The following TMEM156 variants were observed in gnomAD, a reference collection of about 807,000 sequenced individuals.
The protein encoded by TMEM156 is transmembrane protein 156.
In TMEM156, 28 loss-of-function variants were observed where a neutral mutation model predicts 30.5. The ratio of observed to expected loss-of-function variants is 0.92; its 90% CI spans 0.68 to 1.26. The LOEUF (loss-of-function observed/expected upper bound fraction) is 1.26, where lower values mean the gene tolerates loss of function less well. TMEM156 is among the 50% of genes most tolerant of loss of function. The probability of loss-of-function intolerance (pLI) is 0.00; values close to 1 mark genes in which losing one functional copy is unlikely to be tolerated. For synonymous variants in TMEM156, 137 were observed against 119.9 expected (o/e 1.14, Z -0.93); for missense variants, 351 against 340.6 (o/e 1.03, Z -0.24).
chr4:39,008,987 TA>T (rs1713928230), intron 1 of TMEM156, among the ~76,000 whole-genome samples: 4 of 151,692 alleles, frequency 2.6e-5, no homozygotes. Flanking sequence ...TTTCAAAGGA[TA>T]AACAAGATTA....
intron 6 of TMEM156, among the ~76,000 whole-genome samples, chr4:38,969,207 C>T (rs1028296267): frequency 6.6e-6 from 1 of 152,208 alleles, no homozygotes; most frequent in African/African-American, 2.4e-5. Flanking sequence ...TTTCCCTTCA[C>T]TTTAATCCAT....
intron 4 of TMEM156, 92 bp downstream of exon 4, chr4:38,988,759 A>G (rs1242719838): frequency 1.9e-5 from 28 of 1,463,008 alleles, no homozygotes; most frequent in African/African-American, 5.6e-5. Context: ...TATTCACAGT[A>G]GGTGCACAAG....
At chr4:38,979,671 C>G (rs1315675598) in intron 5 of TMEM156, among the ~76,000 whole-genome samples, 3 of 152,194 alleles carry the variant, frequency 2.0e-5, no homozygotes, top group Non-Finnish European at 2.9e-5. Flanking sequence ...CATCATGACT[C>G]TTCATGGAAA....
At chr4:39,016,655 T>G (rs1457254915) in intron 1 of TMEM156, among the ~76,000 whole-genome samples, 3 of 152,232 alleles carry the variant, frequency 2.0e-5, no homozygotes, top group Non-Finnish European at 4.4e-5. Context: ...TATAGGTTAT[T>G]TAGAAGTGAA....
intron 1 of TMEM156, among the ~76,000 whole-genome samples, chr4:39,029,305 G>A (rs1417096789): frequency 2.6e-5 from 4 of 151,950 alleles, no homozygotes; most frequent in Non-Finnish European, 5.9e-5. Context: ...GACAAGAAAC[G>A]AATGGAGTAA....
At chr4:38,989,021 A>G in intron 3 of TMEM156, 51 bp from the exon 4 acceptor site, 1 of 1,574,882 alleles carries the variant, frequency 6.3e-7, no homozygotes, top group Non-Finnish European at 8.6e-7. Context: ...TTCAACAGAT[A>G]AAAGGCAATG....
chr4:39,031,743 G>A (rs1353412748), intron 1 of TMEM156, among the ~76,000 whole-genome samples: 1 of 151,738 alleles, frequency 6.6e-6, no homozygotes, highest in African/African-American at 2.4e-5. Context: ...AATTAGCCAG[G>A]CATGGTGGTG....
chr4:38,988,190 G>A (rs1052558684), intron 4 of TMEM156, among the ~76,000 whole-genome samples: 1 of 152,008 alleles, frequency 6.6e-6, no homozygotes, highest in African/African-American at 2.4e-5. Context: ...CCTCACACCC[G>A]TCACCTACAG....
At chr4:39,005,193 G>A (rs1713645139) in intron 1 of TMEM156, among the ~76,000 whole-genome samples, 2 of 152,132 alleles carry the variant, frequency 1.3e-5, no homozygotes, top group African/African-American at 4.8e-5. Flanking sequence ...GTAGGAGAAG[G>A]GCTCTTCTGT....
chr4:38,981,008 C>A, intron 5 of TMEM156: 1 of 936,794 alleles, frequency 1.1e-6, no homozygotes, highest in Non-Finnish European at 1.3e-6. Context: ...CAAAAAGAAT[C>A]ATCCTCTTCA....
chr4:39,025,065 T>G (rs1715111375), intron 1 of TMEM156, among the ~76,000 whole-genome samples: 1 of 152,120 alleles, frequency 6.6e-6, no homozygotes, highest in Non-Finnish European at 1.5e-5. Flanking sequence ...ACAGTTGGAA[T>G]AGGCCGGGTG....
intron 5 of TMEM156, among the ~76,000 whole-genome samples, chr4:38,985,649 A>G (rs1460017191): frequency 1.3e-5 from 2 of 152,204 alleles, no homozygotes; most frequent in African/African-American, 2.4e-5. Context: ...GCTGTGTACA[A>G]GGAGCTTTGG....
intron 1 of TMEM156, among the ~76,000 whole-genome samples, chr4:39,025,206 A>G (rs2711971): frequency 0.98 from 149,282 of 151,910 alleles, 73,389 homozygotes; most frequent in South Asian, 1. Flanking sequence ...AAAATTAGCC[A>G]GGCGTGGTGG....
intron 1 of TMEM156, among the ~76,000 whole-genome samples, chr4:39,021,475 A>C (rs1480082953): frequency 1.3e-5 from 2 of 152,164 alleles, no homozygotes; most frequent in Admixed American, 1.3e-4. Context: ...ACTCTTCACT[A>C]TCCTTTGCCC....
In TMEM156 at chr4:39,000,137, T is replaced by C. The variant is rs145351236; in HGVS notation, c.89-1228A>G. On this transcript the variant is annotated intron_variant, in intron 1 of 6. Transcript: ENST00000381938. ...GGCTGGGTGTGGTGGCTCACACCTG[T>C]AATCCCAGTCCTTTTGGAGGCAGAG... Among the ~76,000 whole-genome samples the C allele has an allele frequency of 2.7e-4, 41 of 152,328 alleles. No individual in the cohort carries two copies. The East Asian group carries it at 7.5e-3, about 28-fold the overall frequency.
chr4:38,976,706 G>A (rs1198844957), intron 5 of TMEM156, among the ~76,000 whole-genome samples: 1 of 152,182 alleles, frequency 6.6e-6, no homozygotes, highest in Non-Finnish European at 1.5e-5. Flanking sequence ...ATCAACAGAG[G>A]TAGTTATTTA....
At chr4:39,010,115 A>T (rs1268547679) in intron 1 of TMEM156, among the ~76,000 whole-genome samples, 4 of 152,180 alleles carry the variant, frequency 2.6e-5, no homozygotes, top group Admixed American at 1.3e-4. Flanking sequence ...GCTGAGAATC[A>T]AATGAAGAAT....
intron 1 of TMEM156, among the ~76,000 whole-genome samples, chr4:38,999,113 T>TG (rs749018002): frequency 1.0e-3 from 74 of 73,350 alleles, no homozygotes; most frequent in African/African-American, 2.8e-3. Context: ...TTTATTTATT[T>TG]TTTTTTTTTT....
chr4:38,998,813 T>G lies in TMEM156; in HGVS notation c.185A>C (p.Gln62Pro). The G allele has an allele frequency of 1.2e-6, 2 of 1,613,856 alleles. 1 individual carries two copies. Among genetic ancestry groups the G allele is most frequent in the Non-Finnish European group, 1.7e-6 (2 of 1,179,902 alleles). Residue 62 changes from glutamine to proline, a missense_variant, in exon 2 of 7, where the codon CAA becomes CCA. Transcript: ENST00000381938. Reference protein sequence around the residue: ...SLNFSFVTFLQPVRETQIIMR... With the variant: ...SLNFSFVTFLPPVRETQIIMR... Reference sequence around the variant, plus strand: ...GATAATCTGAGTTTCCCTTACTGGTTGCAGAAAAGTCACAAAAGAAAAATT... The same window carrying G: ...GATAATCTGAGTTTCCCTTACTGGTGGCAGAAAAGTCACAAAAGAAAAATT...
Sources: allele counts gnomAD v4.1 joint callset (sites outside exome capture counted in the v4.1 genomes callset), GRCh38; gene constraint gnomAD v4.1.1; transcripts MANE v1.5; gene names NCBI Gene and HGNC (gene_info 2026-07-23, HGNC 2026-07-21).